Variants in MTPAP observed in about 807,000 individuals in gnomAD.
MTPAP encodes poly(A) RNA polymerase, mitochondrial.
A neutral mutation model predicts 48.7 loss-of-function variants in MTPAP; 23 were observed. The observed-to-expected ratio is 0.47, with a 90% CI of 0.34 to 0.67. The LOEUF is 0.67. Among genes scored for constraint, MTPAP ranks in the 30% least tolerant of loss-of-function variants. The pLI is 0.01. For synonymous variants in MTPAP, 257 were observed against 254.1 expected (o/e 1.01, Z -0.11); for missense variants, 614 against 694.3 (o/e 0.88, Z 1.30).
intron 1 of MTPAP, among the ~76,000 whole-genome samples, chr10:30,345,278 T>TA (rs1834861247): frequency 6.6e-6 from 1 of 152,258 alleles, no homozygotes; most frequent in Non-Finnish European, 1.5e-5. Flanking sequence ...TTTTAAAAAG[T>TA]ATATACTCTT....
At chr10:30,338,710 T>C (rs927952028) in intron 3 of MTPAP, among the ~76,000 whole-genome samples, 1 of 151,418 alleles carries the variant, frequency 6.6e-6, no homozygotes, top group Non-Finnish European at 1.5e-5. Context: ...GTAAAGGAAA[T>C]AGATTAGAAG....
chr10:30,314,754 C>A (rs915906344), intron 8 of MTPAP, among the ~76,000 whole-genome samples: 1 of 151,796 alleles, frequency 6.6e-6, no homozygotes, highest in African/African-American at 2.4e-5. Flanking sequence ...TGCCTGTAAT[C>A]CCAGCTACTT....
rs765205515 is a variant in MTPAP at position 30,349,164 on chromosome 10, T to C, written c.112A>G (p.Lys38Glu). ...RLLSCPGTVAKDLRRDEQPSG... is the reference protein window; with the variant it reads ...RLLSCPGTVAEDLRRDEQPSG... ...GGCTGCTCGTCTCTCCTAAGGTCTT[T>C]GGCCACAGTTCCTGGGCAACTCAAA... The change falls in exon 1 of 9, where the codon AAA becomes GAA. Residue 38 changes from lysine to glutamate, a missense_variant. Lys to Glu is a moderately conservative substitution (Grantham distance 56). This residue lies in a region of MTPAP where 125 missense variants were observed against 111.5 expected (regional missense o/e 1.12). Coordinates refer to ENST00000263063, the MANE Select transcript of MTPAP (RefSeq NM_018109.4). The C allele has an allele frequency of 1.3e-5, 21 of 1,613,108 alleles. No homozygotes were observed. Among genetic ancestry groups the C allele is most frequent in the Middle Eastern group, 3.3e-4 (2 of 6,076 alleles).
In MTPAP at chr10:30,348,913, C is replaced by T. The variant is rs900671507; in HGVS notation, c.157+206G>A. 1.8e-5 allele frequency: 12 copies of T among 670,568 alleles called. No homozygotes were observed. In the Admixed American group the frequency reaches 3.1e-4, roughly 17 times the overall value. 41.5% of individuals were successfully genotyped at this position (670,568 alleles called of 1,614,324 possible). On this transcript the variant is annotated intron_variant, in intron 1 of 8. Coordinates refer to ENST00000263063, the MANE Select transcript of MTPAP (RefSeq NM_018109.4). ...TACTGTACACAGGAGTCGCCCCAAA[C>T]AAACATCACACATCTCACTTCTGCC... is the stretch of plus-strand genomic sequence containing the variant.
In MTPAP at chr10:30,316,345, C is replaced by T. The variant is rs966271667; in HGVS notation, c.1220-135G>A. 17 of 714,184 alleles carry T rather than the reference C, an allele frequency of 2.4e-5. No homozygotes were observed. The Admixed American group carries it at 2.9e-4, about 12-fold the overall frequency. 44.2% of individuals were successfully genotyped at this position (714,184 alleles called of 1,614,324 possible). A position where few individuals can be genotyped will look rare whatever the true frequency, so the allele number is the denominator to read the frequency against. Reference sequence around the variant, plus strand: ...GCAGCCTCCACCTCCCAGGTTCCAGCAATTCTCCTGCCTCAGCCTCCCGGG... The same window carrying T: ...GCAGCCTCCACCTCCCAGGTTCCAGTAATTCTCCTGCCTCAGCCTCCCGGG... On this transcript the variant is annotated intron_variant, in intron 6 of 8. Coordinates refer to ENST00000263063, the MANE Select transcript of MTPAP (RefSeq NM_018109.4).
In MTPAP at chr10:30,349,263, C is replaced by T. The variant is rs141779374; in HGVS notation, c.13G>A (p.Gly5Ser). ...TTCAAACGGGTCAAGAGCCCCACGC[C>T]GGGAACCGCCATTGCTAAAAAAAAA... is the stretch of plus-strand genomic sequence containing the variant. Reference protein sequence around the residue: MAVPGVGLLTRLNLC... With the variant: MAVPSVGLLTRLNLC... The change falls in exon 1 of 9, where the codon GGC becomes AGC. Residue 5 changes from glycine (G) to serine (S), a missense_variant. Transcript: ENST00000263063. 1.3e-5 allele frequency: 20 copies of T among 1,486,248 alleles called. No individual in the cohort carries two copies. The African/African-American group carries it at 2.2e-4, about 17-fold the overall frequency. The allele number at this position is 1,486,248 out of a possible 1,614,324, so 92.1% of individuals were successfully genotyped here.
At chr10:30,335,839 G>A (rs568023404) in intron 4 of MTPAP, among the ~76,000 whole-genome samples, 85 of 152,036 alleles carry the variant, frequency 5.6e-4, no homozygotes, top group East Asian at 3.7e-3. Flanking sequence ...GTAAAACCCC[G>A]TCTCTACTAA....
At chr10:30,319,216 G>A (rs937199047) in intron 6 of MTPAP, among the ~76,000 whole-genome samples, 1 of 152,142 alleles carries the variant, frequency 6.6e-6, no homozygotes, top group African/African-American at 2.4e-5. Context: ...GGATAAAAAG[G>A]AAGGTGATAA....
At chr10:30,341,708 G>A (rs963185528) in intron 1 of MTPAP, 68 bp from the exon 2 acceptor site, 1 of 1,563,846 alleles carries the variant, frequency 6.4e-7, no homozygotes, top group African/African-American at 1.4e-5. Flanking sequence ...TTTTGATAAG[G>A]TGTTTAAAGA....
At chr10:30,326,275 T>C (rs1834596613) in intron 5 of MTPAP, 149 bp downstream of exon 5, 4 of 713,702 alleles carry the variant, frequency 5.6e-6, no homozygotes, top group South Asian at 4.0e-5. Flanking sequence ...AGAGAAAAGA[T>C]TACTTACTTT....
At chr10:30,334,766 A>G (rs1834709209) in intron 4 of MTPAP, among the ~76,000 whole-genome samples, 1 of 152,258 alleles carries the variant, frequency 6.6e-6, no homozygotes, top group Admixed American at 6.5e-5. Flanking sequence ...TTTCAATACT[A>G]TGCTAAAGAA....
rs1325300771 is a variant in MTPAP at position 30,312,955 on chromosome 10, A to G, written c.*654T>C. ...ATGCAGTGACTGAAATGTCTGTTCT[A>G]AAAACATAAACATTTTTTGATATCA... On this transcript the variant is annotated 3_prime_UTR_variant, in exon 9 of 9. Coordinates refer to ENST00000263063, the MANE Select transcript of MTPAP (RefSeq NM_018109.4). 1 of 152,342 alleles carries G rather than the reference A, an allele frequency of 6.6e-6. No individual in the cohort carries two copies. Among genetic ancestry groups the G allele is most frequent in the Non-Finnish European group, 1.5e-5 (1 of 68,126 alleles). The allele number at this position is 152,342 out of a possible 1,614,324, so 9.4% of individuals were successfully genotyped here. A position where few individuals can be genotyped will look rare whatever the true frequency, so the allele number is the denominator to read the frequency against.
In MTPAP at chr10:30,334,525, G is replaced by A. The variant is rs1221726099; in HGVS notation, c.780+2278C>T. On this transcript the variant is annotated intron_variant, in intron 4 of 8. Transcript: ENST00000263063. ...AAAACACAAAAATTAGCCGGGCGTG[G>A]TGGGGCGTGCCTGAAGTCCCAGCTA... Among the ~76,000 whole-genome samples, 4 of 152,066 alleles carry A rather than the reference G, an allele frequency of 2.6e-5. No individual in the cohort carries two copies. In the South Asian group the frequency reaches 8.3e-4, roughly 31 times the overall value.
chr10:30,313,477 C>A lies in MTPAP; in HGVS notation c.*132G>T. Reference sequence around the variant, plus strand: ...AGAACTTCAGACCAGGTTAAGGGGGCCAATGAGAAGATCATGAAAAGTGAC... The same window carrying A: ...AGAACTTCAGACCAGGTTAAGGGGGACAATGAGAAGATCATGAAAAGTGAC... On this transcript the variant is annotated 3_prime_UTR_variant, in exon 9 of 9. Coordinates refer to ENST00000263063, the MANE Select transcript of MTPAP (RefSeq NM_018109.4). The A allele has an allele frequency of 7.9e-7, 1 of 1,265,326 alleles. No individual in the cohort carries two copies. Among genetic ancestry groups the A allele is most frequent in the Non-Finnish European group, 1.1e-6 (1 of 880,078 alleles). The allele number at this position is 1,265,326 out of a possible 1,614,324, so 78.4% of individuals were successfully genotyped here. A position where few individuals can be genotyped will look rare whatever the true frequency, so the allele number is the denominator to read the frequency against.
At chr10:30,333,966 T>C (rs1234879240) in intron 4 of MTPAP, among the ~76,000 whole-genome samples, 1 of 152,174 alleles carries the variant, frequency 6.6e-6, no homozygotes, top group Non-Finnish European at 1.5e-5. Flanking sequence ...ATCTGTTTCC[T>C]ATGCCTGGCT....
chr10:30,326,849 T>C (rs1834603812), intron 4 of MTPAP, among the ~76,000 whole-genome samples: 1 of 152,110 alleles, frequency 6.6e-6, no homozygotes, highest in Non-Finnish European at 1.5e-5. Flanking sequence ...TATAGAGAAA[T>C]ACAAAGCACT....
chr10:30,315,873 C>T (rs1840655625), intron 8 of MTPAP, 90 bp downstream of exon 8: 1 of 1,282,056 alleles, frequency 7.8e-7, no homozygotes, highest in Admixed American at 2.4e-5. Context: ...AAATAAATAA[C>T]ATTTATTAGA....
intron 4 of MTPAP, among the ~76,000 whole-genome samples, chr10:30,329,970 T>TAA (rs35031966): frequency 1.4e-4 from 21 of 148,552 alleles, no homozygotes; most frequent in East Asian, 3.9e-4. Context: ...TTTTTTCTTT[T>TAA]AAAAAAAAAA....
At chr10:30,335,445 C>T (rs1834720008) in intron 4 of MTPAP, among the ~76,000 whole-genome samples, 1 of 152,132 alleles carries the variant, frequency 6.6e-6, no homozygotes, top group Admixed American at 6.6e-5. Context: ...TAGATCACGT[C>T]ACCGTACTTC....
Sources: allele counts gnomAD v4.1 joint callset (sites outside exome capture counted in the v4.1 genomes callset), GRCh38; gene constraint gnomAD v4.1.1; regional missense constraint gnomAD v4.1.1; transcripts MANE v1.5; gene names NCBI Gene and HGNC (gene_info 2026-07-23, HGNC 2026-07-21).